Variants in MTFR1 observed in about 807,000 individuals in gnomAD.
The protein encoded by MTFR1 is mitochondrial fission regulator 1, also known as chondrocyte protein with a poly-proline region.
A neutral mutation model predicts 38.8 loss-of-function variants in MTFR1; 28 were observed. The observed-to-expected ratio is 0.72, with a 90% CI of 0.53 to 0.99. The LOEUF is 0.99. Among genes scored for constraint, MTFR1 ranks in the 50% least tolerant of loss-of-function variants. MTFR1 has a pLI of 0.00. For synonymous variants in MTFR1, 145 were observed against 137.0 expected (o/e 1.06, Z -0.41); for missense variants, 358 against 395.5 (o/e 0.91, Z 0.81).
At chr8:65,742,402 A>G (rs973666783) in intron 3 of MTFR1, among the ~76,000 whole-genome samples, 5 of 152,170 alleles carry the variant, frequency 3.3e-5, no homozygotes, top group African/African-American at 1.2e-4. Context: ...AAGGAACTCC[A>G]AATGCATCCT....
chr8:65,663,344 A>T (rs1429524954), intron 1 of MTFR1, among the ~76,000 whole-genome samples: 1 of 152,010 alleles, frequency 6.6e-6, no homozygotes, highest in Admixed American at 6.6e-5. Flanking sequence ...ATGCTCGTTA[A>T]GAGTCATCAC....
At chr8:65,747,516 A>G (rs1268991314) in intron 3 of MTFR1, 4 of 510,794 alleles carry the variant, frequency 7.8e-6, no homozygotes, top group Admixed American at 4.0e-5. Flanking sequence ...GCTCTAAAGA[A>G]AAAAACCTGG....
At chr8:65,726,894 G>T in intron 3 of MTFR1, 1 of 1,596,532 alleles carries the variant, frequency 6.3e-7, no homozygotes, top group Non-Finnish European at 8.6e-7. Context: ...AATGGCAGAT[G>T]TGAGAATAAG....
chr8:65,749,094 T>C (rs1807814133), intron 3 of MTFR1, among the ~76,000 whole-genome samples: 1 of 152,210 alleles, frequency 6.6e-6, no homozygotes, highest in Non-Finnish European at 1.5e-5. Context: ...ACACTGCCCC[T>C]ATCTTGAAGA....
chr8:65,733,936 A>C (rs183204385), intron 3 of MTFR1, among the ~76,000 whole-genome samples: 1 of 152,334 alleles, frequency 6.6e-6, no homozygotes, highest in East Asian at 1.9e-4. Flanking sequence ...ATAGGCAGAC[A>C]TAATTGCAGA....
chr8:65,728,500 ATAAT>A (rs1046640375), intron 3 of MTFR1: 1 of 152,192 alleles, frequency 6.6e-6, no homozygotes, highest in African/African-American at 2.4e-5. Flanking sequence ...TGTATCGCAT[ATAAT>A]TAGTACACGG....
At position 65,710,527 on chromosome 8, in the gene MTFR1, A is replaced by C. The variant is rs531618127; in HGVS notation, c.*1483A>C. On this transcript the variant is annotated 3_prime_UTR_variant, in exon 8 of 8. Transcript: ENST00000262146. The stretch of plus-strand genomic sequence containing the variant: ...CCCCATATAAGGAAGTTACTGTTTT[A>C]AAATAAAGCAAACTAACTGTTTTAT... 8 of 152,622 alleles carry C rather than the reference A, an allele frequency of 5.2e-5. No individual in the cohort carries two copies. Among genetic ancestry groups the C allele is most frequent in the Non-Finnish European group, 1.2e-4 (8 of 68,032 alleles). The allele number at this position is 152,622 out of a possible 1,614,324, so 9.5% of individuals were successfully genotyped here.
exon 4 of MTFR1, chr8:65,771,113 G>C (rs1214898300): frequency 3.5e-6 from 1 of 287,984 alleles, no homozygotes; most frequent in Admixed American, 4.8e-5. Context: ...AAATGGTTGA[G>C]GTCCTTCTTT....
chr8:65,755,690 T>C (rs1430186168), intron 3 of MTFR1, among the ~76,000 whole-genome samples: 1 of 152,274 alleles, frequency 6.6e-6, no homozygotes, highest in Admixed American at 6.5e-5. Flanking sequence ...ATATATTTAC[T>C]TGTGTAGTAA....
In MTFR1 at chr8:65,719,463, T is replaced by C; in HGVS notation, c.*30T>C. 1 of 1,613,866 alleles carries C rather than the reference T, an allele frequency of 6.2e-7. No individual in the cohort carries two copies. The highest frequency in any genetic ancestry group is 8.5e-7 in the Non-Finnish European group (1 of 1,179,714). ...GTATTGGAAAACCTGGCCCATTCTGTAAATAAAGGCTCCACTAGGTAAGTC... is the reference window on the plus strand; with the variant it reads ...GTATTGGAAAACCTGGCCCATTCTGCAAATAAAGGCTCCACTAGGTAAGTC... On this transcript the variant is annotated 3_prime_UTR_variant, in exon 3 of 4. Transcript: ENST00000521247.
chr8:65,723,604 AT>A (rs776556726), intron 3 of MTFR1: 49 of 1,571,420 alleles, frequency 3.1e-5, no homozygotes, highest in Admixed American at 1.7e-4. Context: ...CCCAAATGAT[AT>A]TTTTTTTCTA....
intron 3 of MTFR1, among the ~76,000 whole-genome samples, chr8:65,769,982 T>A (rs752607126): frequency 1.3e-5 from 2 of 151,400 alleles, no homozygotes; most frequent in East Asian, 3.8e-4. Context: ...AATAATTTCA[T>A]AATACCATAC....
At chr8:65,706,141 C>T (rs527527319) in intron 5 of MTFR1, among the ~76,000 whole-genome samples, 1 of 152,198 alleles carries the variant, frequency 6.6e-6, no homozygotes. Flanking sequence ...GGCGCTGATG[C>T]TGGACTGTGC....
intron 3 of MTFR1, among the ~76,000 whole-genome samples, chr8:65,726,151 T>C (rs1024027387): frequency 6.6e-6 from 1 of 152,208 alleles, no homozygotes; most frequent in African/African-American, 2.4e-5. Flanking sequence ...TTTCTTGAAG[T>C]GGATGGTTTC....
chr8:65,764,519 C>G (rs1808670886), intron 3 of MTFR1, among the ~76,000 whole-genome samples: 1 of 152,110 alleles, frequency 6.6e-6, no homozygotes, highest in African/African-American at 2.4e-5. Context: ...GAGAAAAATA[C>G]TATAATGAAG....
chr8:65,704,088 C>G (rs1431980459), intron 4 of MTFR1, among the ~76,000 whole-genome samples: 1 of 151,774 alleles, frequency 6.6e-6, no homozygotes, highest in African/African-American at 2.4e-5. Flanking sequence ...TATGTTTGAG[C>G]CCATAAATAT....
At chr8:65,708,137 G>A in intron 7 of MTFR1, 126 bp downstream of exon 7, 1 of 1,588,276 alleles carries the variant, frequency 6.3e-7, no homozygotes, top group Non-Finnish European at 8.5e-7. Context: ...ACAGGATTTG[G>A]TCCCTGCCTT....
At chr8:65,674,826 A>G (rs969791336) in intron 2 of MTFR1, among the ~76,000 whole-genome samples, 13 of 152,256 alleles carry the variant, frequency 8.5e-5, no homozygotes, top group Admixed American at 4.6e-4. Context: ...CAATAGAACA[A>G]TGCACTTTAC....
At chr8:65,645,310 G>A (rs1808924217) in intron 1 of MTFR1, among the ~76,000 whole-genome samples, 1 of 152,242 alleles carries the variant, frequency 6.6e-6, no homozygotes, top group Non-Finnish European at 1.5e-5. Flanking sequence ...TGGTTGCTGT[G>A]TCGCTTTTCG....
Sources: allele counts gnomAD v4.1 joint callset (sites outside exome capture counted in the v4.1 genomes callset), GRCh38; gene constraint gnomAD v4.1.1; transcripts MANE v1.5; gene names NCBI Gene and HGNC (gene_info 2026-07-23, HGNC 2026-07-21).